Variants in PDE10A observed in about 807,000 individuals in gnomAD.
PDE10A encodes the protein cAMP and cAMP-inhibited cGMP 3',5'-cyclic phosphodiesterase 10A.
A neutral mutation model predicts 97.7 loss-of-function variants in PDE10A; 39 were observed. That is an observed-to-expected ratio of 0.40 (90% CI 0.31 to 0.52). PDE10A has a LOEUF of 0.52. PDE10A is among the 20% of genes least tolerant of loss of function. The pLI, the probability that PDE10A is intolerant of heterozygous loss-of-function variation, is 0.56. For synonymous variants in PDE10A, 371 were observed against 376.8 expected (o/e 0.98, Z 0.18); for missense variants, 731 against 1,047.8 (o/e 0.70, Z 4.17).
rs546511850 is a variant in PDE10A at position 165,730,823 on chromosome 6, A to T, written c.-614-187255T>A. Among the ~76,000 whole-genome samples, 22 of 150,206 alleles carry T rather than the reference A, an allele frequency of 1.5e-4. No individual in the cohort carries two copies. The East Asian group carries it at 3.2e-3, about 22-fold the overall frequency. On this transcript the variant is annotated intron_variant, in intron 1 of 19. Coordinates refer to the PDE10A transcript ENST00000366882. The stretch of plus-strand genomic sequence containing the variant: ...CACTTTGGGAGGCCGAGGTGGGTGG[A>T]TCACAAGGTCAGGAGTTGAAGACCA...
chr6:165,779,040 C>T (rs543310075), intron 1 of PDE10A, among the ~76,000 whole-genome samples: 117 of 152,184 alleles, frequency 7.7e-4, no homozygotes, highest in Admixed American at 2.4e-3. Flanking sequence ...TCAAGTTTAA[C>T]GATAATTTCT....
chr6:165,512,191 A>G (rs887477635), intron 2 of PDE10A, among the ~76,000 whole-genome samples: 1 of 151,736 alleles, frequency 6.6e-6, no homozygotes, highest in African/African-American at 2.4e-5. Context: ...TGTTTGCTTT[A>G]CCAGTGAGTT....
chr6:165,388,516 C>T lies in PDE10A; in HGVS notation c.2455-63G>A, dbSNP rs757888761. On this transcript the variant is annotated intron_variant, in intron 16 of 21. Transcript: ENST00000539869. The surrounding 1 kb of genome is among the most constrained non-coding windows in gnomAD (Gnocchi z 4.0). ...CAGAAACACACATGAGCAGACTTAC[C>T]GCTTACATTCATGTCACATTACTTT... 115 of 1,431,326 alleles carry T rather than the reference C, an allele frequency of 8.0e-5. No individual in the cohort carries two copies. The highest frequency in any genetic ancestry group is 1.1e-4 in the Non-Finnish European group (115 of 1,020,102). The allele number at this position is 1,431,326 out of a possible 1,614,324, so 88.7% of individuals were successfully genotyped here. A position where few individuals can be genotyped will look rare whatever the true frequency, so the allele number is the denominator to read the frequency against.
intron 1 of PDE10A, among the ~76,000 whole-genome samples, chr6:165,937,111 C>G (rs1357057541): frequency 6.6e-6 from 1 of 152,150 alleles, no homozygotes; most frequent in East Asian, 1.9e-4. Context: ...CTGCATGCAT[C>G]CTATGTAGCA....
intron 1 of PDE10A, among the ~76,000 whole-genome samples, chr6:165,566,776 AAACTC>A (rs1583554397): frequency 1.3e-5 from 2 of 152,178 alleles, no homozygotes; most frequent in African/African-American, 2.4e-5. Context: ...TTTAAAAAGG[AAACTC>A]AACTCTAGTA....
chr6:165,614,114 G>T (rs1787619626), intron 1 of PDE10A, among the ~76,000 whole-genome samples: 1 of 152,136 alleles, frequency 6.6e-6, no homozygotes, highest in South Asian at 2.1e-4. Flanking sequence ...GACCTCTTTT[G>T]TCAGTCACTA....
Position 165,819,952 on chromosome 6 carries a change from C to G in PDE10A, c.-615+167577G>C, listed in dbSNP as rs11760045. Among the ~76,000 whole-genome samples, 10,734 of 152,254 alleles carry G rather than the reference C, an allele frequency of 0.071. 495 individuals carry two copies. The highest frequency in any genetic ancestry group is 0.1 in the Non-Finnish European group (6,924 of 68,012). ...ACACAAGGGCACTATTTTTCAAAAT[C>G]TGTTGTTAAACTCCTTAAACTCAAG... is the stretch of plus-strand genomic sequence containing the variant. On this transcript the variant is annotated intron_variant, in intron 1 of 19. Transcript: ENST00000366882. This position sits in a 1 kb window ranked among gnomAD's most constrained non-coding sequence, Gnocchi z 4.2.
At chr6:165,647,051 C>T (rs558818450) in intron 1 of PDE10A, among the ~76,000 whole-genome samples, 62 of 152,248 alleles carry the variant, frequency 4.1e-4, no homozygotes, top group African/African-American at 1.3e-3. Context: ...GAGATCATTG[C>T]TCATGATGGG....
intron 1 of PDE10A, among the ~76,000 whole-genome samples, chr6:165,926,346 A>T (rs1356380151): frequency 6.6e-6 from 1 of 152,170 alleles, no homozygotes; most frequent in Non-Finnish European, 1.5e-5. Flanking sequence ...TTAGCCAATT[A>T]ATCTGAAACT....
At chr6:165,713,395 C>T (rs1329111024) in intron 1 of PDE10A, among the ~76,000 whole-genome samples, 2 of 152,164 alleles carry the variant, frequency 1.3e-5, no homozygotes, top group East Asian at 1.9e-4. Flanking sequence ...TCAGAAGTGA[C>T]GTAAGATTTA....
At position 165,343,365 on chromosome 6, in the gene PDE10A, TG is replaced by T. The variant is rs755273791; in HGVS notation, c.2895+25del. 8 of 1,413,922 alleles carry T rather than the reference TG, an allele frequency of 5.7e-6. No individual in the cohort carries two copies. The African/African-American group carries it at 9.9e-5, about 17-fold the overall frequency. The allele number at this position is 1,413,922 out of a possible 1,614,324, so 87.6% of individuals were successfully genotyped here. A position where few individuals can be genotyped will look rare whatever the true frequency, so the allele number is the denominator to read the frequency against. ...ACGTTTTATTTCTCCTCACTATCTATGTCAATATAAGAATCAAGGACATACC... is the reference window on the plus strand; with the variant it reads ...ACGTTTTATTTCTCCTCACTATCTATTCAATATAAGAATCAAGGACATACC... On this transcript the variant is annotated intron_variant, in intron 19 of 21. Transcript: ENST00000539869.
chr6:165,768,378 A>G (rs1262182790), intron 1 of PDE10A, among the ~76,000 whole-genome samples: 1 of 152,152 alleles, frequency 6.6e-6, no homozygotes, highest in Non-Finnish European at 1.5e-5. Flanking sequence ...AGATATACAC[A>G]TAGGTTTTCT....
intron 1 of PDE10A, among the ~76,000 whole-genome samples, chr6:165,927,651 T>TATATAC (rs1179270555): frequency 1.8e-5 from 2 of 108,388 alleles, no homozygotes; most frequent in African/African-American, 7.3e-5. Context: ...GAATGACATA[T>TATATAC]ATATATATAT....
chr6:165,774,701 G>A (rs1046011741), intron 1 of PDE10A, among the ~76,000 whole-genome samples: 11 of 149,724 alleles, frequency 7.3e-5, no homozygotes, highest in Admixed American at 6.7e-5. Flanking sequence ...GGGCTGGGAT[G>A]CTGAATCAGA....
chr6:165,501,861 A>T (rs941127239), intron 2 of PDE10A, among the ~76,000 whole-genome samples: 1 of 152,214 alleles, frequency 6.6e-6, no homozygotes, highest in Non-Finnish European at 1.5e-5. Flanking sequence ...TTTGAAAATA[A>T]ATAAGTTGTA....
At chr6:165,816,411 C>G in intron 1 of PDE10A, among the ~76,000 whole-genome samples, 1 of 152,222 alleles carries the variant, frequency 6.6e-6, no homozygotes, top group East Asian at 1.9e-4. Context: ...GATGCAGTCT[C>G]TGGGCTTATG....
intron 2 of PDE10A, among the ~76,000 whole-genome samples, chr6:165,493,410 G>C (rs1780339491): frequency 6.6e-6 from 1 of 152,050 alleles, no homozygotes. Context: ...CAAATCCGGA[G>C]GCATCACATT....
intron 1 of PDE10A, among the ~76,000 whole-genome samples, chr6:165,873,216 TCTC>T (rs1781249540): frequency 6.6e-6 from 1 of 152,114 alleles, no homozygotes; most frequent in Non-Finnish European, 1.5e-5. Context: ...GTCAAAATCA[TCTC>T]CTCTGTTTAA....
At chr6:165,866,873 G>A (rs1386092464) in intron 1 of PDE10A, among the ~76,000 whole-genome samples, 4 of 151,036 alleles carry the variant, frequency 2.6e-5, no homozygotes, top group Non-Finnish European at 1.5e-5. Context: ...AAGAAGTAAA[G>A]TCTTTCTCAG....
Sources: gnomAD v4.1 joint callset for allele counts (sites outside exome capture counted in the v4.1 genomes callset) on GRCh38, gnomAD v4.1.1 for gene constraint, Gnocchi (gnomAD v3.1) non-coding constraint, MANE v1.5 for transcripts, NCBI Gene and HGNC (gene_info 2026-07-23, HGNC 2026-07-21) for gene names.